The following TRABD2B variants were observed in gnomAD, a reference collection of about 807,000 sequenced individuals.
TRABD2B encodes metalloprotease TIKI2.
Under a neutral mutation model 40.1 loss-of-function variants are expected in TRABD2B, and 14 were observed. The observed-to-expected ratio is 0.35, with a 90% CI of 0.23 to 0.55. TRABD2B has a LOEUF of 0.55. TRABD2B is among the 20% of genes least tolerant of loss of function. The pLI, the probability that TRABD2B is intolerant of heterozygous loss-of-function variation, is 0.90. For missense variants in TRABD2B, 541 were observed against 648.6 expected, an observed-to-expected ratio of 0.83 and a Z score of 1.80; for synonymous variants, 263 against 277.0, an observed-to-expected ratio of 0.95 and a Z score of 0.50.
At chr1:47,986,745 C>A (rs1645924003) in intron 2 of TRABD2B, among the ~76,000 whole-genome samples, 1 of 152,152 alleles carries the variant, frequency 6.6e-6, no homozygotes, top group African/African-American at 2.4e-5. Context: ...GGGGGCCTAG[C>A]AGAAGCAACG....
intron 2 of TRABD2B, among the ~76,000 whole-genome samples, chr1:47,848,078 A>G (rs755922586): frequency 6.6e-6 from 1 of 152,240 alleles, no homozygotes; most frequent in Admixed American, 6.5e-5. Context: ...AGGAAGCAAG[A>G]CTAGAGAAGA....
chr1:47,843,166 C>T (rs898569402), intron 2 of TRABD2B, among the ~76,000 whole-genome samples: 2 of 152,068 alleles, frequency 1.3e-5, no homozygotes, highest in African/African-American at 4.8e-5. Context: ...TCCTGAAGAC[C>T]CTTTTCCTTA....
chr1:47,776,558 C>T (rs181296608), intron 5 of TRABD2B, among the ~76,000 whole-genome samples: 2 of 152,306 alleles, frequency 1.3e-5, no homozygotes, highest in Non-Finnish European at 2.9e-5. Context: ...GGGGCATACA[C>T]GTGCACCGCT....
intron 2 of TRABD2B, among the ~76,000 whole-genome samples, chr1:47,883,350 T>C (rs1186181537): frequency 1.3e-5 from 2 of 152,220 alleles, no homozygotes; most frequent in Non-Finnish European, 2.9e-5. Context: ...TAGCTCAAAA[T>C]GCTGGTATTA....
intron 2 of TRABD2B, among the ~76,000 whole-genome samples, chr1:47,864,228 C>A (rs1233830082): frequency 1.3e-5 from 2 of 151,838 alleles, no homozygotes; most frequent in Admixed American, 1.3e-4. Context: ...AAGAGGGAAC[C>A]CTAATGTAGT....
At chr1:47,901,271 G>T (rs1456398840) in intron 2 of TRABD2B, among the ~76,000 whole-genome samples, 1 of 152,176 alleles carries the variant, frequency 6.6e-6, no homozygotes, top group Non-Finnish European at 1.5e-5. Flanking sequence ...CTGCCTGGAG[G>T]CCAGCCCAAG....
At chr1:47,886,780 A>G (rs968518430) in intron 2 of TRABD2B, among the ~76,000 whole-genome samples, 2 of 152,208 alleles carry the variant, frequency 1.3e-5, no homozygotes, top group African/African-American at 4.8e-5. Flanking sequence ...TCTAGGGGGA[A>G]TTTTAACTTC....
intron 2 of TRABD2B, among the ~76,000 whole-genome samples, chr1:47,990,771 T>C (rs113419725): frequency 3.6e-4 from 13 of 36,552 alleles, no homozygotes; most frequent in Non-Finnish European, 6.7e-4. Context: ...AACGTTGGTT[T>C]TATATATATA....
At chr1:47,874,749 T>TAC (rs1004301292) in intron 2 of TRABD2B, among the ~76,000 whole-genome samples, 3 of 151,210 alleles carry the variant, frequency 2.0e-5, no homozygotes, top group East Asian at 3.9e-4. Flanking sequence ...TATATATATA[T>TAC]ACACGCACAC....
At chr1:47,796,947 A>C (rs4927069) in intron 3 of TRABD2B, among the ~76,000 whole-genome samples, 57,255 of 152,106 alleles carry the variant, frequency 0.38, 10,938 homozygotes, top group Admixed American at 0.41. Context: ...CACAGGTTCT[A>C]CCGTTCTTTA....
At chr1:47,811,872 C>G (rs1644969916) in intron 2 of TRABD2B, among the ~76,000 whole-genome samples, 1 of 152,230 alleles carries the variant, frequency 6.6e-6, no homozygotes, top group Non-Finnish European at 1.5e-5. Flanking sequence ...AAGACCTATT[C>G]CAGGAGCCCA....
At chr1:47,877,628 C>T (rs1370075210) in intron 2 of TRABD2B, among the ~76,000 whole-genome samples, 1 of 152,242 alleles carries the variant, frequency 6.6e-6, no homozygotes, top group East Asian at 1.9e-4. Context: ...GAAAAACACA[C>T]TTTGGAGGCA....
intron 2 of TRABD2B, among the ~76,000 whole-genome samples, chr1:47,828,373 G>C (rs1645204529): frequency 6.6e-6 from 1 of 152,184 alleles, no homozygotes; most frequent in Non-Finnish European, 1.5e-5. Flanking sequence ...GAGGGGGACA[G>C]TATAGGCAGA....
intron 2 of TRABD2B, among the ~76,000 whole-genome samples, chr1:47,950,551 C>G (rs1449510867): frequency 6.6e-6 from 1 of 152,120 alleles, no homozygotes. Flanking sequence ...GAGAGGCAGA[C>G]AGAGAGCACA....
In TRABD2B at chr1:47,907,250, C is replaced by T. The variant is rs141349134; in HGVS notation, c.666+86784G>A. Among the ~76,000 whole-genome samples the T allele has an allele frequency of 5.3e-3, 805 of 152,268 alleles. 3 individuals carry two copies. Among genetic ancestry groups the T allele is most frequent in the Non-Finnish European group, 7.8e-3 (530 of 68,028 alleles). On this transcript the variant is annotated intron_variant, in intron 2 of 6. Transcript: ENST00000606738. ...CATGACCAGGGATTTGTTCATTAGT[C>T]GGGCTGGGCTACTAACATGGCTTTT...
intron 2 of TRABD2B, among the ~76,000 whole-genome samples, chr1:47,836,612 A>G (rs2124469239): frequency 6.6e-6 from 1 of 152,382 alleles, no homozygotes; most frequent in African/African-American, 2.4e-5. Flanking sequence ...GCAATCCAAG[A>G]GGGCAGTGAT....
At chr1:47,923,930 A>G (rs1231550494) in intron 2 of TRABD2B, among the ~76,000 whole-genome samples, 2 of 58,016 alleles carry the variant, frequency 3.4e-5, no homozygotes, top group African/African-American at 7.3e-5. Context: ...ACACACACAC[A>G]CACACACACA....
intron 2 of TRABD2B, among the ~76,000 whole-genome samples, chr1:47,857,869 A>G (rs1009881237): frequency 9.3e-5 from 14 of 150,814 alleles, no homozygotes; most frequent in Admixed American, 9.2e-4. Context: ...AGCATTTTGT[A>G]TCTTAGTTAA....
chr1:47,932,549 G>A (rs1645053387), intron 2 of TRABD2B, among the ~76,000 whole-genome samples: 2 of 152,172 alleles, frequency 1.3e-5, no homozygotes, highest in Admixed American at 1.3e-4. Context: ...TGTCTCCTGA[G>A]TGATCAGGAG....
Sources: gnomAD v4.1 joint callset for allele counts (sites outside exome capture counted in the v4.1 genomes callset) on GRCh38, gnomAD v4.1.1 for gene constraint, MANE v1.5 for transcripts, NCBI Gene and HGNC (gene_info 2026-07-23, HGNC 2026-07-21) for gene names.